UTRN: variants seen among roughly 807,000 people sequenced by gnomAD.
UTRN encodes the protein dystrophin-related protein 1.
A neutral mutation model predicts 463.9 loss-of-function variants in UTRN; 283 were observed. The ratio of observed to expected loss-of-function variants is 0.61; its 90% CI spans 0.55 to 0.67. UTRN has a LOEUF of 0.67. Among genes scored for constraint, UTRN ranks in the 30% least tolerant of loss-of-function variants. The pLI, the probability that UTRN is intolerant of heterozygous loss-of-function variation, is 0.00. For synonymous variants in UTRN, 1,442 were observed against 1,431.5 expected, an observed-to-expected ratio of 1.01 and a Z score of -0.17; for missense variants, 3,922 against 4,084.3, an observed-to-expected ratio of 0.96 and a Z score of 1.08.
At chr6:144,686,429 TCCAGTGTTTCTTGGTTAACTTTCTG>T (rs1352527073) in intron 52 of UTRN, among the ~76,000 whole-genome samples, 2 of 152,150 alleles carry the variant, frequency 1.3e-5, no homozygotes, top group Admixed American at 6.5e-5. Context: ...GTAGTTTAAG[TCCAGTGTTTCTTGGTTAACTTTCTG>T]CCTCAGTGAT....
chr6:144,747,579 A>T (rs1385590903), intron 54 of UTRN, among the ~76,000 whole-genome samples: 4 of 152,076 alleles, frequency 2.6e-5, no homozygotes, highest in African/African-American at 9.7e-5. Context: ...TGCTATTTTT[A>T]TCTGAAACTC....
chr6:144,424,030 T>C lies in UTRN; in HGVS notation c.357T>C (p.Asn119=). 1 of 1,614,174 alleles carries C rather than the reference T, an allele frequency of 6.2e-7. No individual in the cohort carries two copies. The highest frequency in any genetic ancestry group is 8.5e-7 in the Non-Finnish European group (1 of 1,180,024). Residue 119 remains asparagine (N), a synonymous_variant, in exon 6 of 75, where the codon AAT becomes AAC. Transcript: ENST00000367545. The part of the protein sequence containing the change: ...NIGGTDIVDG[N]HKLTLGLLWS... ...GGGGAACTGACATTGTGGATGGAAA[T>C]CACAAACTGACTTTGGGGTTACTTT...
intron 5 of UTRN, 143 bp downstream of exon 5, chr6:144,423,769 G>C (rs546423904): frequency 1.9e-6 from 2 of 1,047,792 alleles, no homozygotes; most frequent in South Asian, 2.9e-5. Context: ...TTTTCTGTGA[G>C]TGAAGAAACA....
chr6:144,796,928 G>T (rs889826267), intron 63 of UTRN, among the ~76,000 whole-genome samples: 1 of 152,290 alleles, frequency 6.6e-6, no homozygotes, highest in Non-Finnish European at 1.5e-5. Flanking sequence ...GCAACAGGAG[G>T]ATAAAATTGG....
chr6:144,346,806 G>A (rs539952159), intron 2 of UTRN, among the ~76,000 whole-genome samples: 1 of 152,140 alleles, frequency 6.6e-6, no homozygotes, highest in South Asian at 2.1e-4. Flanking sequence ...CCGGGCATCA[G>A]GGCGAGACTC....
chr6:144,821,513 ATTT>A lies in UTRN; in HGVS notation c.9494+499_9494+501del, dbSNP rs532987592. Among the ~76,000 whole-genome samples, 179 of 152,070 alleles carry A rather than the reference ATTT, an allele frequency of 1.2e-3. 1 individual carries two copies. The highest frequency in any genetic ancestry group is 4.1e-3 in the African/African-American group (169 of 41,524). The stretch of plus-strand genomic sequence containing the variant: ...AAGTATCACATTATGATTCTAATCT[ATTT>A]TTTATTGAAAATGAAGACAGCAAAC... On this transcript the variant is annotated intron_variant, in intron 66 of 74. Coordinates refer to ENST00000367545, the MANE Select transcript of UTRN (RefSeq NM_007124.3).
At chr6:144,779,637 G>C (rs1193895427) in intron 60 of UTRN, among the ~76,000 whole-genome samples, 8 of 152,234 alleles carry the variant, frequency 5.3e-5, no homozygotes, top group Non-Finnish European at 1.5e-5. Flanking sequence ...AGGCAGAAAG[G>C]GTAGAGGAGA....
chr6:144,423,672 T>C (rs1476996107), intron 5 of UTRN, 46 bp downstream of exon 5: 2 of 1,599,666 alleles, frequency 1.3e-6, no homozygotes, highest in Admixed American at 3.3e-5. Context: ...GCCATCAGCA[T>C]TATTTATTGT....
intron 53 of UTRN, chr6:144,708,391 A>G (rs1379619524): frequency 1.4e-5 from 9 of 641,114 alleles, no homozygotes; most frequent in Non-Finnish European, 2.7e-5. Flanking sequence ...TAAAGTGTTT[A>G]GAGGCTTTGC....
intron 2 of UTRN, 91 bp from the exon 3 acceptor site, chr6:144,403,032 A>G (rs1783061968): frequency 2.5e-6 from 3 of 1,188,446 alleles, no homozygotes; most frequent in Admixed American, 2.0e-5. Context: ...ACTATTTTAA[A>G]CTCTCCAGGA....
intron 2 of UTRN, among the ~76,000 whole-genome samples, chr6:144,390,688 C>G (rs1781828790): frequency 1.3e-5 from 2 of 152,214 alleles, no homozygotes; most frequent in South Asian, 4.1e-4. Flanking sequence ...TTACGTGCCC[C>G]AAACATAGTA....
chr6:144,403,592 T>G (rs888886662), intron 3 of UTRN, among the ~76,000 whole-genome samples: 2 of 152,242 alleles, frequency 1.3e-5, no homozygotes, highest in Admixed American at 1.3e-4. Context: ...GAAATATTTA[T>G]GGATTTTTAT....
intron 51 of UTRN, among the ~76,000 whole-genome samples, chr6:144,652,935 T>C (rs1452201393): frequency 1.3e-5 from 2 of 152,216 alleles, no homozygotes; most frequent in African/African-American, 4.8e-5. Flanking sequence ...AGCTTTCAAA[T>C]ATAATGATGC....
chr6:144,517,490 A>G (rs1236872703), intron 39 of UTRN, among the ~76,000 whole-genome samples: 1 of 151,964 alleles, frequency 6.6e-6, no homozygotes, highest in Non-Finnish European at 1.5e-5. Context: ...GTGGGCCACC[A>G]TATCCAGCTC....
chr6:144,826,480 C>T (rs565447451), intron 66 of UTRN, among the ~76,000 whole-genome samples: 3 of 152,154 alleles, frequency 2.0e-5, no homozygotes, highest in Admixed American at 2.0e-4. Flanking sequence ...TTCATTTACT[C>T]TCCTTCCTCC....
chr6:144,565,628 A>G (rs1800335743), intron 50 of UTRN, among the ~76,000 whole-genome samples: 1 of 152,182 alleles, frequency 6.6e-6, no homozygotes, highest in South Asian at 2.1e-4. Flanking sequence ...CTTAGAGGAA[A>G]TGGAGAGAGG....
intron 50 of UTRN, among the ~76,000 whole-genome samples, chr6:144,574,408 T>A (rs1397902625): frequency 6.6e-6 from 1 of 152,120 alleles, no homozygotes; most frequent in Non-Finnish European, 1.5e-5. Flanking sequence ...GTATCAGTAG[T>A]TTGCTTATAT....
chr6:144,358,844 T>C (rs551657182), intron 2 of UTRN, among the ~76,000 whole-genome samples: 13 of 152,344 alleles, frequency 8.5e-5, no homozygotes, highest in Non-Finnish European at 1.3e-4. Context: ...ATTTCTACCA[T>C]ATTAATACAA....
At chr6:144,348,239 C>T (rs1777776573) in intron 2 of UTRN, among the ~76,000 whole-genome samples, 1 of 152,096 alleles carries the variant, frequency 6.6e-6, no homozygotes, top group Non-Finnish European at 1.5e-5. Flanking sequence ...TTGCTAGGTA[C>T]CTAGCACACG....
Sources: allele counts gnomAD v4.1 joint callset (sites outside exome capture counted in the v4.1 genomes callset), GRCh38; gene constraint gnomAD v4.1.1; transcripts MANE v1.5; gene names NCBI Gene and HGNC (gene_info 2026-07-23, HGNC 2026-07-21).